MAX: variants seen among roughly 807,000 people sequenced by gnomAD.
The protein encoded by MAX is protein max.
In MAX, 3 loss-of-function variants were observed where a neutral mutation model predicts 22.3. That is an observed-to-expected ratio of 0.13 (90% CI 0.06 to 0.35). The LOEUF (loss-of-function observed/expected upper bound fraction) is 0.35. MAX is among the 10% of genes least tolerant of loss of function. MAX has a pLI of 1.00. For synonymous variants in MAX, 72 were observed against 77.7 expected, an observed-to-expected ratio of 0.93 and a Z score of 0.39; for missense variants, 119 against 209.4, an observed-to-expected ratio of 0.57 and a Z score of 2.66.
At chr14:65,096,960 C>T (rs1256417) in intron 2 of MAX, among the ~76,000 whole-genome samples, 73,441 of 151,920 alleles carry the variant, frequency 0.48, 20,330 homozygotes, top group African/African-American at 0.77. Flanking sequence ...TGGATTTGTA[C>T]GTCTGGATGT....
chr14:65,088,626 C>G lies in MAX; in HGVS notation c.171+5082G>C, dbSNP rs1376258792. Among the ~76,000 whole-genome samples the G allele has an allele frequency of 6.6e-6, 1 of 152,180 alleles. No individual in the cohort carries two copies. The highest frequency in any genetic ancestry group is 2.4e-5 in the African/African-American group (1 of 41,436). On this transcript the variant is annotated intron_variant, in intron 3 of 4. Coordinates refer to ENST00000358664, the MANE Select transcript of MAX (RefSeq NM_002382.5). The surrounding 1 kb of genome is among the most constrained non-coding windows in gnomAD (Gnocchi z 5.2). ...GCATCAACAGGAATGAGCCATCTCCCAAAATAATGTGGCCAGGTTGATGGG... is the reference window on the plus strand; with the variant it reads ...GCATCAACAGGAATGAGCCATCTCCGAAAATAATGTGGCCAGGTTGATGGG...
At position 65,051,943 on chromosome 14, in the gene MAX, C is replaced by T. The variant is rs562457158; in HGVS notation, c.171+41765G>A. On this transcript the variant is annotated intron_variant, in intron 3 of 3. Transcript: ENST00000341653. ...CTGAGTAGCTGGGACTACAGGCGCC[C>T]ACCACCATGTCCGGCTAATTTTTTT... Among the ~76,000 whole-genome samples, 255 of 151,930 alleles carry T rather than the reference C, an allele frequency of 1.7e-3. 2 individuals carry two copies. Among genetic ancestry groups the T allele is most frequent in the African/African-American group, 5.7e-3 (235 of 41,452 alleles).
At chr14:65,097,016 A>T (rs1444092186) in intron 2 of MAX, among the ~76,000 whole-genome samples, 1 of 152,178 alleles carries the variant, frequency 6.6e-6, no homozygotes, top group African/African-American at 2.4e-5. Flanking sequence ...AGAAATACTA[A>T]GGGGCTATGC....
At position 65,028,180 on chromosome 14, in the gene MAX, G is replaced by T. The variant is rs2062017969; in HGVS notation, c.172-21896C>A. Among the ~76,000 whole-genome samples, 1 of 152,216 alleles carries T rather than the reference G, an allele frequency of 6.6e-6. No individual in the cohort carries two copies. Among genetic ancestry groups the T allele is most frequent in the African/African-American group, 2.4e-5 (1 of 41,450 alleles). Reference sequence around the variant, plus strand: ...TTCTGAGTGAATTTGATGAAATCATGAGAATGTCTAATCCCTGAGGTCCTC... The same window carrying T: ...TTCTGAGTGAATTTGATGAAATCATTAGAATGTCTAATCCCTGAGGTCCTC... On this transcript the variant is annotated intron_variant, in intron 3 of 3. Coordinates refer to the MAX transcript ENST00000341653. The surrounding 1 kb of genome is among the most constrained non-coding windows in gnomAD (Gnocchi z 4.4).
Position 65,077,576 on chromosome 14 carries a change from C to T in MAX, c.295+337G>A. The T allele has an allele frequency of 1.1e-6, 1 of 930,510 alleles. No homozygotes were observed. The allele number at this position is 930,510 out of a possible 1,614,324, so 57.6% of individuals were successfully genotyped here. A position where few individuals can be genotyped will look rare whatever the true frequency, so the allele number is the denominator to read the frequency against. On this transcript the variant is annotated intron_variant, in intron 4 of 4. Coordinates refer to ENST00000358664, the MANE Select transcript of MAX (RefSeq NM_002382.5). This position sits in a 1 kb window ranked among gnomAD's most constrained non-coding sequence, Gnocchi z 6.3. ...TCTGGTACTTACACAGCACATTCCA[C>T]TCCAAGGACCTCAAAGCTCTTTTCA...
intron 2 of MAX, among the ~76,000 whole-genome samples, chr14:65,099,149 G>A (rs1376136881): frequency 6.6e-6 from 1 of 151,814 alleles, no homozygotes; most frequent in Non-Finnish European, 1.5e-5. Context: ...TCACAGAGGG[G>A]AAAAAATGGA....
chr14:65,059,101 C>T (rs942426302), intron 3 of MAX, among the ~76,000 whole-genome samples: 1 of 152,148 alleles, frequency 6.6e-6, no homozygotes, highest in Non-Finnish European at 1.5e-5. Flanking sequence ...TAGCTCACTG[C>T]AGCCTGGAAC....
At chr14:65,052,529 T>C (rs1019909628) in intron 3 of MAX, among the ~76,000 whole-genome samples, 4 of 152,254 alleles carry the variant, frequency 2.6e-5, no homozygotes, top group African/African-American at 9.6e-5. Context: ...GATTTGTCCC[T>C]CCTTCCCACT....
At chr14:65,072,560 C>T (rs1241776590), downstream of MAX, among the ~76,000 whole-genome samples, 1 of 152,206 alleles carries the variant, frequency 6.6e-6, no homozygotes, top group Non-Finnish European at 1.5e-5. Context: ...ACCTGAGTGA[C>T]TTGAGGACCA....
chr14:65,020,438 T>G (rs1427248119), intron 3 of MAX, among the ~76,000 whole-genome samples: 7 of 148,682 alleles, frequency 4.7e-5, no homozygotes, highest in African/African-American at 7.4e-5. Context: ...AGCTTGCCTC[T>G]TTTTTTTTTG....
chr14:65,080,730 T>C (rs1239629874), intron 3 of MAX, among the ~76,000 whole-genome samples: 1 of 152,228 alleles, frequency 6.6e-6, no homozygotes, highest in Non-Finnish European at 1.5e-5. Flanking sequence ...TTTCAACTAA[T>C]AGTTCCCAGA....
chr14:65,084,192 T>A lies in MAX; in HGVS notation c.172-6156A>T. The A allele has an allele frequency of 6.2e-7, 1 of 1,614,038 alleles. No homozygotes were observed. Among genetic ancestry groups the A allele is most frequent in the Non-Finnish European group, 8.5e-7 (1 of 1,179,900 alleles). ...AAACAATCATTTTTTAAATCTTGCATTCTTTTTTCTTGTGCACTTGGTAGC... is the reference window on the plus strand; with the variant it reads ...AAACAATCATTTTTTAAATCTTGCAATCTTTTTTCTTGTGCACTTGGTAGC... On this transcript the variant is annotated intron_variant, in intron 3 of 4. Transcript: ENST00000358664. The surrounding 1 kb of genome is among the most constrained non-coding windows in gnomAD (Gnocchi z 4.3).
intron 3 of MAX, among the ~76,000 whole-genome samples, chr14:65,051,973 T>C (rs993717336): frequency 1.3e-5 from 2 of 152,004 alleles, no homozygotes; most frequent in Non-Finnish European, 2.9e-5. Context: ...TTTTTTGTAT[T>C]TTTAGTAGAG....
rs1342773563 is a variant in MAX, at chr14:65,014,740, G to A, written c.172-8456C>T. Among the ~76,000 whole-genome samples, 2 of 152,110 alleles carry A rather than the reference G, an allele frequency of 1.3e-5. No homozygotes were observed. Among genetic ancestry groups the A allele is most frequent in the Non-Finnish European group, 2.9e-5 (2 of 68,010 alleles). The stretch of plus-strand genomic sequence containing the variant: ...GAGGTGGGAGGATTGCTTGAGCCCG[G>A]GAGGTTGAGGCTGCAGTGAGCTGAG... On this transcript the variant is annotated intron_variant, in intron 3 of 3. Transcript: ENST00000341653. This position sits in a 1 kb window ranked among gnomAD's most constrained non-coding sequence, Gnocchi z 5.1.
At position 65,076,410 on chromosome 14, in the gene MAX, A is replaced by G; in HGVS notation, c.*66T>C. Reference sequence around the variant, plus strand: ...TTAAATGGTTCTGAGGGCTCTACCAACGAACTGAAAGGAGGATGAGACGAT... The same window carrying G: ...TTAAATGGTTCTGAGGGCTCTACCAGCGAACTGAAAGGAGGATGAGACGAT... On this transcript the variant is annotated 3_prime_UTR_variant, in exon 5 of 5. Transcript: ENST00000358664. The surrounding 1 kb of genome is among the most constrained non-coding windows in gnomAD (Gnocchi z 6.6). 1 of 1,611,640 alleles carries G rather than the reference A, an allele frequency of 6.2e-7. No homozygotes were observed. Among genetic ancestry groups the G allele is most frequent in the Non-Finnish European group, 8.5e-7 (1 of 1,179,954 alleles).
chr14:65,018,819 A>AG (rs2061829626), intron 3 of MAX, among the ~76,000 whole-genome samples: 1 of 150,998 alleles, frequency 6.6e-6, no homozygotes, highest in Non-Finnish European at 1.5e-5. Flanking sequence ...TAAAAAAAAA[A>AG]AAAAAAAAAG....
At chr14:65,051,520 A>G (rs1301907299) in intron 3 of MAX, among the ~76,000 whole-genome samples, 8 of 151,898 alleles carry the variant, frequency 5.3e-5, no homozygotes, top group African/African-American at 1.4e-4. Context: ...CTGAGGCAGG[A>G]CAATCGCTTG....
In MAX at chr14:65,028,828, G is replaced by A. The variant is rs570830677; in HGVS notation, c.172-22544C>T. On this transcript the variant is annotated intron_variant, in intron 3 of 3. Transcript: ENST00000341653. The surrounding 1 kb of genome is among the most constrained non-coding windows in gnomAD (Gnocchi z 4.4). ...TGTTAAAAGAGTTTTTTTCCCTCGT[G>A]TTCACTACATTTTCGTTCCTGTTCT... 5.3e-5 allele frequency among the ~76,000 whole-genome samples: 8 copies of A among 152,204 alleles called. No homozygotes were observed. The East Asian group carries it at 1.4e-3, about 26-fold the overall frequency.
At chr14:65,071,781 C>T (rs2062990171), downstream of MAX, among the ~76,000 whole-genome samples, 1 of 152,212 alleles carries the variant, frequency 6.6e-6, no homozygotes, top group African/African-American at 2.4e-5. This position sits in a 1 kb window ranked among gnomAD's most constrained non-coding sequence, Gnocchi z 4.2. Flanking sequence ...AAACACCAAG[C>T]AAGGACAACA....
Sources: allele counts gnomAD v4.1 joint callset (sites outside exome capture counted in the v4.1 genomes callset), GRCh38; gene constraint gnomAD v4.1.1; non-coding constraint Gnocchi (gnomAD v3.1); transcripts MANE v1.5; gene names NCBI Gene and HGNC (gene_info 2026-07-23, HGNC 2026-07-21).